Variants in CPVL observed in about 807,000 individuals in gnomAD.
CPVL encodes carboxypeptidase vitellogenic like, also known as probable serine carboxypeptidase CPVL.
In CPVL, 51 loss-of-function variants were observed where a neutral mutation model predicts 63.7. The observed-to-expected ratio is 0.80, with a 90% CI of 0.64 to 1.01. The LOEUF is 1.01. Among genes scored for constraint, CPVL ranks in the 50% least tolerant of loss-of-function variants. The pLI is 0.00. For missense variants in CPVL, 530 were observed against 573.1 expected (o/e 0.92, Z 0.77); for synonymous variants, 195 against 206.0 (o/e 0.95, Z 0.46).
At chr7:29,100,997 T>G (rs999568717) in intron 3 of CPVL, among the ~76,000 whole-genome samples, 2 of 152,232 alleles carry the variant, frequency 1.3e-5, no homozygotes, top group African/African-American at 4.8e-5. Context: ...GCATCAAATG[T>G]CATGATATGC....
chr7:29,183,369 C>T (rs552873846), intron 4 of CPVL, among the ~76,000 whole-genome samples: 1 of 151,250 alleles, frequency 6.6e-6, no homozygotes, highest in East Asian at 1.9e-4. Context: ...TAGGTGTGAG[C>T]CACCGTGCCT....
At chr7:29,007,306 T>C (rs1184407191) in intron 12 of CPVL, among the ~76,000 whole-genome samples, 3 of 152,220 alleles carry the variant, frequency 2.0e-5, no homozygotes, top group Non-Finnish European at 4.4e-5. Context: ...ATTCTTCTTA[T>C]GCTAATCGGT....
intron 12 of CPVL, among the ~76,000 whole-genome samples, chr7:29,020,561 C>T (rs1157491252): frequency 6.6e-6 from 1 of 152,092 alleles, no homozygotes; most frequent in Non-Finnish European, 1.5e-5. Flanking sequence ...TATCCAAACC[C>T]TCTCAACAGT....
chr7:29,071,723 C>T, intron 9 of CPVL, 50 bp downstream of exon 9: 1 of 1,412,530 alleles, frequency 7.1e-7, no homozygotes, highest in Non-Finnish European at 9.7e-7. Flanking sequence ...GCCCTCCCTC[C>T]CCAGATGGTT....
At chr7:29,177,969 C>G (rs1797577630) in intron 5 of CPVL, among the ~76,000 whole-genome samples, 1 of 152,162 alleles carries the variant, frequency 6.6e-6, no homozygotes. Context: ...CAAGCCCTCA[C>G]CATCACAGCA....
chr7:28,999,433 T>C (rs1784393442), intron 12 of CPVL, among the ~76,000 whole-genome samples: 1 of 152,234 alleles, frequency 6.6e-6, no homozygotes, highest in African/African-American at 2.4e-5. Context: ...TTTTCTACTC[T>C]GTGGCAAACC....
chr7:29,065,056 TA>T (rs5883185), intron 10 of CPVL, among the ~76,000 whole-genome samples: 128,521 of 150,950 alleles, frequency 0.85, 54,697 homozygotes, highest in South Asian at 0.91. Flanking sequence ...TGAAGCTTAT[TA>T]AAAAAAAAAC....
At chr7:29,006,782 T>C (rs1785238902) in intron 12 of CPVL, among the ~76,000 whole-genome samples, 1 of 152,204 alleles carries the variant, frequency 6.6e-6, no homozygotes, top group Non-Finnish European at 1.5e-5. Context: ...AGGTACATAG[T>C]TTTTACTGCC....
At position 29,159,776 on chromosome 7, in the gene CPVL, T is replaced by C. The variant is rs550158508; in HGVS notation, c.-11+21514A>G. On this transcript the variant is annotated intron_variant, in intron 5 of 16. Transcript: ENST00000409850. ...TCAAAGCACCTATCACCTGCTGACT[T>C]ACTATGTAATTCACTCATTCTTATG... Among the ~76,000 whole-genome samples, 4 of 152,338 alleles carry C rather than the reference T, an allele frequency of 2.6e-5. No homozygotes were observed. The South Asian group carries it at 8.3e-4, about 32-fold the overall frequency.
chr7:29,194,623 G>A, intron 1 of CPVL: 1 of 284,372 alleles, frequency 3.5e-6, no homozygotes, highest in Non-Finnish European at 6.4e-6. Flanking sequence ...GGACGGCAGA[G>A]GGGCTCGGCG....
chr7:28,994,887 T>C (rs146332707), downstream of CPVL, among the ~76,000 whole-genome samples: 265 of 152,368 alleles, frequency 1.7e-3, 2 homozygotes, highest in Admixed American at 3.1e-3. Context: ...ATTTCAGAGA[T>C]GTGAGCACAT....
chr7:29,194,464 G>T (rs1373315443), intron 1 of CPVL: 1 of 155,664 alleles, frequency 6.4e-6, no homozygotes, highest in African/African-American at 2.4e-5. Flanking sequence ...GAAGGGGGAG[G>T]TCGCTCTGTC....
At chr7:29,146,782 C>T (rs774411782), upstream of CPVL, 2 of 1,548,976 alleles carry the variant, frequency 1.3e-6, no homozygotes, top group Admixed American at 2.0e-5. Context: ...GATTTTGTCT[C>T]CCAGTTTTTA....
chr7:29,123,628 A>AAAAAAAAAT (rs1562780901), intron 1 of CPVL, among the ~76,000 whole-genome samples: 1 of 41,764 alleles, frequency 2.4e-5, no homozygotes, highest in Admixed American at 4.5e-4. Flanking sequence ...AAAAAAAAAA[A>AAAAAAAAAT]ATATATATAT....
At chr7:29,042,047 G>C (rs941275469) in intron 11 of CPVL, among the ~76,000 whole-genome samples, 3 of 151,898 alleles carry the variant, frequency 2.0e-5, no homozygotes, top group Admixed American at 6.6e-5. Flanking sequence ...AAAGAAAATT[G>C]GTCCTCTCTG....
intron 2 of CPVL, among the ~76,000 whole-genome samples, chr7:29,116,823 C>T (rs913354805): frequency 2.0e-5 from 3 of 152,200 alleles, no homozygotes; most frequent in African/African-American, 7.2e-5. Flanking sequence ...ATTACAATTA[C>T]ATAAAACTAA....
At chr7:28,999,803 A>T (rs571451790) in intron 12 of CPVL, among the ~76,000 whole-genome samples, 1 of 152,224 alleles carries the variant, frequency 6.6e-6, no homozygotes, top group Non-Finnish European at 1.5e-5. Context: ...ATTCCCAAAC[A>T]AAGCATATTC....
chr7:29,086,437 G>C (rs1785211437), intron 7 of CPVL, 47 bp downstream of exon 7: 1 of 1,310,806 alleles, frequency 7.6e-7, no homozygotes. Flanking sequence ...ATATATGTCA[G>C]TTCTGGTGAT....
At chr7:29,169,521 A>G (rs1165250478) in intron 5 of CPVL, among the ~76,000 whole-genome samples, 1 of 152,242 alleles carries the variant, frequency 6.6e-6, no homozygotes, top group Non-Finnish European at 1.5e-5. Flanking sequence ...TTGTTATATT[A>G]TCTTTCACTT....
Sources: allele counts gnomAD v4.1 joint callset (sites outside exome capture counted in the v4.1 genomes callset), GRCh38; gene constraint gnomAD v4.1.1; transcripts MANE v1.5; gene names NCBI Gene and HGNC (gene_info 2026-07-23, HGNC 2026-07-21).